JAKMIP1: variants seen among roughly 807,000 people sequenced by gnomAD.
The protein encoded by JAKMIP1 is janus kinase and microtubule interacting protein 1.
JAKMIP1 carries 33 observed loss-of-function variants against 113.0 expected under a neutral mutation model. That is an observed-to-expected ratio of 0.29 (90% confidence interval 0.22 to 0.39). JAKMIP1 has a LOEUF of 0.39. JAKMIP1 is among the 10% of genes least tolerant of loss of function. The probability of loss-of-function intolerance (pLI) is 1.00; values close to 1 mark genes in which losing one functional copy is unlikely to be tolerated. For synonymous variants in JAKMIP1, 480 were observed against 459.9 expected (o/e 1.04, Z -0.56); for missense variants, 813 against 1,080.5 (o/e 0.75, Z 3.47).
Position 6,153,731 on chromosome 4 carries a change from C to A in JAKMIP1, c.-147-40734G>T, listed in dbSNP as rs1054166825. ...ACCTGTACACTACTTCAGCCTTATT[C>A]TAAGCAAAAATATCCCCCAAATCAT... On this transcript the variant is annotated intron_variant, in intron 1 of 20. Coordinates refer to ENST00000409021, the MANE Select transcript of JAKMIP1 (RefSeq NM_001099433.2). The surrounding 1 kb of genome is among the most constrained non-coding windows in gnomAD (Gnocchi z 4.9). Among the ~76,000 whole-genome samples the A allele has an allele frequency of 1.3e-5, 2 of 152,192 alleles. No homozygotes were observed. The highest frequency in any genetic ancestry group is 4.8e-5 in the African/African-American group (2 of 41,450).
At position 6,097,719 on chromosome 4, in the gene JAKMIP1, A is replaced by G. The variant is rs556151069; in HGVS notation, c.624+7754T>C. Among the ~76,000 whole-genome samples, 1 of 152,366 alleles carries G rather than the reference A, an allele frequency of 6.6e-6. No homozygotes were observed. The highest frequency in any genetic ancestry group is 1.5e-5 in the Non-Finnish European group (1 of 68,040). On this transcript the variant is annotated intron_variant, in intron 3 of 20. Transcript: ENST00000409021. The surrounding 1 kb of genome is among the most constrained non-coding windows in gnomAD (Gnocchi z 4.3). ...TCCCCATTTTGCAACAAAAAATGCA[A>G]TAAGAAGCGTTCATTCTCATCATCA...
At position 6,154,511 on chromosome 4, in the gene JAKMIP1, A is replaced by AG. The variant is rs1721994286; in HGVS notation, c.-147-41515_-147-41514insC. On this transcript the variant is annotated intron_variant, in intron 1 of 20. Transcript: ENST00000409021. This position sits in a 1 kb window ranked among gnomAD's most constrained non-coding sequence, Gnocchi z 4.2. ...TGTCTATAGTCCTTTAAAAAAAAAA[A>AG]AAAGCAGGGGGGATATAAAAGGAAG... 2.0e-5 allele frequency among the ~76,000 whole-genome samples: 3 copies of AG among 152,068 alleles called. No homozygotes were observed. The highest frequency in any genetic ancestry group is 3.9e-4 in the East Asian group (2 of 5,160).
At chr4:6,092,595 C>T (rs1001945962) in intron 3 of JAKMIP1, among the ~76,000 whole-genome samples, 1 of 152,162 alleles carries the variant, frequency 6.6e-6, no homozygotes, top group Non-Finnish European at 1.5e-5. Flanking sequence ...TACCCTTCGT[C>T]GTTATTCTGT....
rs916590641 is a variant in JAKMIP1, at chr4:6,065,075, C to A, written c.1303-67G>T. 1.2e-5 allele frequency: 19 copies of A among 1,592,834 alleles called. No homozygotes were observed. Among genetic ancestry groups the A allele is most frequent in the Non-Finnish European group, 1.5e-5 (18 of 1,164,724 alleles). ...TTGCCAGAGTCTACCAGTCCCTGGT[C>A]GTGGGCATGCCAGTGCAGGGGGGTG... On this transcript the variant is annotated intron_variant, in intron 8 of 20. Coordinates refer to ENST00000409021, the MANE Select transcript of JAKMIP1 (RefSeq NM_001099433.2). This position sits in a 1 kb window ranked among gnomAD's most constrained non-coding sequence, Gnocchi z 5.1.
chr4:6,169,890 G>C (rs1373710034), intron 1 of JAKMIP1, among the ~76,000 whole-genome samples: 1 of 151,024 alleles, frequency 6.6e-6, no homozygotes, highest in Non-Finnish European at 1.5e-5. Flanking sequence ...GCTCACAAGA[G>C]TGCCTACAAT....
chr4:6,173,370 A>G (rs1029900870), intron 1 of JAKMIP1, among the ~76,000 whole-genome samples: 6 of 152,224 alleles, frequency 3.9e-5, no homozygotes, highest in Admixed American at 3.9e-4. Context: ...TGATTTCTCT[A>G]TGGGGAGAGA....
Position 6,064,523 on chromosome 4 carries a change from G to A in JAKMIP1, c.1431+357C>T, listed in dbSNP as rs1002868371. On this transcript the variant is annotated intron_variant, in intron 9 of 20. Coordinates refer to ENST00000409021, the MANE Select transcript of JAKMIP1 (RefSeq NM_001099433.2). This position sits in a 1 kb window ranked among gnomAD's most constrained non-coding sequence, Gnocchi z 4.3. ...GTCCGTGTGTGCACACATGCGTGGG[G>A]ACCAGGGAGAGACCATTACGCAGCA... 1.3e-5 allele frequency among the ~76,000 whole-genome samples: 2 copies of A among 152,202 alleles called. No individual in the cohort carries two copies. Among genetic ancestry groups the A allele is most frequent in the African/African-American group, 4.8e-5 (2 of 41,452 alleles).
intron 3 of JAKMIP1, among the ~76,000 whole-genome samples, chr4:6,101,035 A>C (rs1445525336): frequency 3.3e-5 from 5 of 152,130 alleles, no homozygotes; most frequent in Admixed American, 3.3e-4. Flanking sequence ...TTGATGAACA[A>C]TGATTATTTC....
At chr4:6,063,318 G>T (rs929982436) in intron 9 of JAKMIP1, among the ~76,000 whole-genome samples, 6 of 152,224 alleles carry the variant, frequency 3.9e-5, no homozygotes, top group African/African-American at 1.4e-4. Flanking sequence ...ATGTTCTGGT[G>T]CTGAAAGATG....
chr4:6,026,350 G>A (rs185313333), intron 20 of JAKMIP1, 72 bp from the exon 21 acceptor site: 6 of 779,000 alleles, frequency 7.7e-6, no homozygotes, highest in African/African-American at 1.8e-5. Flanking sequence ...AAGATATGTA[G>A]TATGGAACTC....
intron 8 of JAKMIP1, among the ~76,000 whole-genome samples, chr4:6,078,420 G>A (rs1234567003): frequency 7.4e-6 from 1 of 135,942 alleles, no homozygotes; most frequent in African/African-American, 2.8e-5. Context: ...TTTTTTTTTG[G>A]TATCAGCTCC....
chr4:6,191,917 A>T (rs932206303), intron 1 of JAKMIP1, among the ~76,000 whole-genome samples: 1 of 147,904 alleles, frequency 6.8e-6, no homozygotes, highest in Non-Finnish European at 1.5e-5. Context: ...AGTGCATTTT[A>T]TTTATTTATT....
At chr4:6,041,729 T>C (rs1714338188) in intron 17 of JAKMIP1, among the ~76,000 whole-genome samples, 1 of 152,226 alleles carries the variant, frequency 6.6e-6, no homozygotes, top group African/African-American at 2.4e-5. Flanking sequence ...TCCCAAGTTT[T>C]CATGGCCAGC....
intron 16 of JAKMIP1, among the ~76,000 whole-genome samples, chr4:6,043,646 G>T (rs1714629428): frequency 6.6e-6 from 1 of 151,732 alleles, no homozygotes; most frequent in African/African-American, 2.4e-5. Context: ...CCTCCTTCTG[G>T]TTCTCAAACC....
In JAKMIP1 at chr4:6,129,243, C is replaced by T. The variant is rs1560239174; in HGVS notation, c.-147-16246G>A. On this transcript the variant is annotated intron_variant, in intron 1 of 20. Coordinates refer to ENST00000409021, the MANE Select transcript of JAKMIP1 (RefSeq NM_001099433.2). This position sits in a 1 kb window ranked among gnomAD's most constrained non-coding sequence, Gnocchi z 5.4. ...TGATTCCTTGATAAAAATAGTCCCC[C>T]CTTCTGCAGAATCAAGTACAACTGG... Among the ~76,000 whole-genome samples, 2 of 152,214 alleles carry T rather than the reference C, an allele frequency of 1.3e-5. No homozygotes were observed. Among genetic ancestry groups the T allele is most frequent in the South Asian group, 2.1e-4 (1 of 4,826 alleles).
intron 1 of JAKMIP1, among the ~76,000 whole-genome samples, chr4:6,131,173 A>AAAAAAAAAAAAAAAAAAAAAAAG (rs71173409): frequency 4.2e-5 from 4 of 95,490 alleles, no homozygotes; most frequent in Non-Finnish European, 6.1e-5. Flanking sequence ...AAAAAAAAAA[A>AAAAAAAAAAAAAAAAAAAAAAAG]AATATCCCAG....
rs1054145382 is a variant in JAKMIP1 at position 6,170,047 on chromosome 4, C to T, written c.-148+30206G>A. ...CACATTCCCATCACCACCACCACCA[C>T]CATCACCACTCTCATCACCATCATT... On this transcript the variant is annotated intron_variant, in intron 1 of 20. Coordinates refer to ENST00000409021, the MANE Select transcript of JAKMIP1 (RefSeq NM_001099433.2). Among the ~76,000 whole-genome samples, 5 of 131,266 alleles carry T rather than the reference C, an allele frequency of 3.8e-5. No individual in the cohort carries two copies. In the East Asian group the frequency reaches 7.6e-4, roughly 20 times the overall value. The allele number at this position is 131,266 out of a possible 152,430, so 86.1% of individuals were successfully genotyped here.
intron 1 of JAKMIP1, among the ~76,000 whole-genome samples, chr4:6,170,528 TCAC>T (rs1365903619): frequency 6.6e-4 from 22 of 33,558 alleles, no homozygotes; most frequent in Admixed American, 2.5e-3. Context: ...ACCACCATTA[TCAC>T]CACCACCACC....
At position 6,116,277 on chromosome 4, in the gene JAKMIP1, A is replaced by C. The variant is rs954068616; in HGVS notation, c.-147-3280T>G. 6.6e-6 allele frequency among the ~76,000 whole-genome samples: 1 copy of C among 152,066 alleles called. No individual in the cohort carries two copies. Among genetic ancestry groups the C allele is most frequent in the Non-Finnish European group, 1.5e-5 (1 of 68,018 alleles). The stretch of plus-strand genomic sequence containing the variant: ...CTGCGGGCTGCCCAAAGGTCTCATC[A>C]GCAGGAGCAACAGCAGGGAACTCTC... On this transcript the variant is annotated intron_variant, in intron 1 of 20. Transcript: ENST00000409021. This position sits in a 1 kb window ranked among gnomAD's most constrained non-coding sequence, Gnocchi z 5.1.
Sources: allele counts gnomAD v4.1 joint callset (sites outside exome capture counted in the v4.1 genomes callset), GRCh38; gene constraint gnomAD v4.1.1; non-coding constraint Gnocchi (gnomAD v3.1); transcripts MANE v1.5; gene names NCBI Gene and HGNC (gene_info 2026-07-23, HGNC 2026-07-21).